Variants in ABCA7 observed in about 807,000 individuals in gnomAD.
ABCA7 encodes ATP binding cassette subfamily A member 7, also known as phospholipid-transporting ATPase ABCA7.
In ABCA7, 261 loss-of-function variants were observed where a neutral mutation model predicts 227.6. The observed-to-expected ratio is 1.15, with a 90% CI of 1.04 to 1.27. ABCA7 has a LOEUF of 1.27. Ranked by LOEUF, ABCA7 falls within the 50% of genes most tolerant of loss-of-function variation. The pLI, the probability that ABCA7 is intolerant of heterozygous loss-of-function variation, is 0.00. For missense variants in ABCA7, 3,331 were observed against 2,924.5 expected (o/e 1.14, Z -3.21); for synonymous variants, 1,488 against 1,279.7 (o/e 1.16, Z -3.47).
chr19:1,047,780 C>CT (rs2040861231), intron 16 of ABCA7, 126 bp downstream of exon 16: 2 of 1,089,696 alleles, frequency 1.8e-6, no homozygotes, highest in Non-Finnish European at 2.5e-6. Flanking sequence ...GAAGGCGGGG[C>CT]TTCTTGGCAC....
intron 39 of ABCA7, 21 bp from the exon 40 acceptor site, chr19:1,059,002 G>C: frequency 6.2e-7 from 1 of 1,613,852 alleles, no homozygotes; most frequent in Non-Finnish European, 8.5e-7. Context: ...TCACCTTTCT[G>C]AAAGACCTGC....
rs758750382 is a variant in ABCA7, at chr19:1,043,495, G to A, written c.930+22G>A. The A allele has an allele frequency of 2.5e-6, 4 of 1,613,046 alleles. No homozygotes were observed. The South Asian group carries it at 4.4e-5, about 18-fold the overall frequency. On this transcript the variant is annotated intron_variant, in intron 9 of 46. Coordinates refer to ENST00000263094, the MANE Select transcript of ABCA7 (RefSeq NM_019112.4). The stretch of plus-strand genomic sequence containing the variant: ...CCAGGTGGGGGCAGCCTGGATGCTG[G>A]GGTGGGAGGGTGGTGGCCAGAGCCC...
Position 1,051,983 on chromosome 19 carries a change from G to A in ABCA7, c.3004G>A (p.Glu1002Lys), listed in dbSNP as rs776912022. The A allele has an allele frequency of 6.2e-7, 1 of 1,612,212 alleles. No individual in the cohort carries two copies. The highest frequency in any genetic ancestry group is 1.1e-5 in the South Asian group (1 of 91,066). ...ILSTHHLDEA[E>K]LLGDRVAVVA... ...CTCCACCCACCACCTGGATGAGGCA[G>A]AGCTGCTGGGAGACCGTGTGGCCGT... The change falls in exon 22 of 47, where the codon GAG (glutamate) becomes AAG (lysine). Residue 1002 changes from glutamate to lysine, a missense_variant. Physicochemically the swap from Glu to Lys is moderately conservative, Grantham distance 56. Transcript: ENST00000263094.
At chr19:1,057,678 G>A (rs1349971178) in intron 35 of ABCA7, among the ~76,000 whole-genome samples, 1 of 151,934 alleles carries the variant, frequency 6.6e-6, no homozygotes, top group Non-Finnish European at 1.5e-5. Context: ...GCCGAGGCAG[G>A]AGGACTGCTT....
Position 1,042,412 on chromosome 19 carries a change from C to A in ABCA7, c.498+15C>A. ...TGCTGCGCACGGTAGGGTGTCGGGG[C>A]GGGACCGCGCTGACTTCCTGGGACA... On this transcript the variant is annotated intron_variant, in intron 6 of 46. Coordinates refer to ENST00000263094, the MANE Select transcript of ABCA7 (RefSeq NM_019112.4). 1 of 1,610,470 alleles carries A rather than the reference C, an allele frequency of 6.2e-7. No homozygotes were observed. Among genetic ancestry groups the A allele is most frequent in the South Asian group, 1.1e-5 (1 of 90,964 alleles).
chr19:1,041,286 G>A lies in ABCA7; in HGVS notation c.-76G>A. ...GAGGTTCAGAAAGGGGCAGGGAGTT[G>A]CCCGCAGCCGCACCGCACGTCTTCA... On this transcript the variant is annotated 5_prime_UTR_variant, in exon 2 of 47. Coordinates refer to ENST00000263094, the MANE Select transcript of ABCA7 (RefSeq NM_019112.4). 1 of 1,449,644 alleles carries A rather than the reference G, an allele frequency of 6.9e-7. No individual in the cohort carries two copies. The highest frequency in any genetic ancestry group is 1.1e-5 in the South Asian group (1 of 87,786). The allele number at this position is 1,449,644 out of a possible 1,614,324, so 89.8% of individuals were successfully genotyped here.
chr19:1,056,461 C>T lies in ABCA7; in HGVS notation c.4548C>T (p.Pro1516=). ...ACAGCATCACCACACTCAACCACCC[C>T]TTGAACCTCACCAAGGAGCAGCTGT... ...HAHSITTLNH[P]LNLTKEQLSE... Residue 1516 remains proline (P), a synonymous_variant, in exon 33 of 47, where the codon CCC becomes CCT. Coordinates refer to ENST00000263094, the MANE Select transcript of ABCA7 (RefSeq NM_019112.4). This position sits in a 1 kb window ranked among gnomAD's most constrained non-coding sequence, Gnocchi z 4.3. 1 of 1,613,634 alleles carries T rather than the reference C, an allele frequency of 6.2e-7. No individual in the cohort carries two copies. Among genetic ancestry groups the T allele is most frequent in the Non-Finnish European group, 8.5e-7 (1 of 1,180,010 alleles).
chr19:1,065,249 C>T (rs1018864841), intron 46 of ABCA7, 21 bp from the exon 47 acceptor site: 2 of 1,612,258 alleles, frequency 1.2e-6, no homozygotes, highest in African/African-American at 1.3e-5. Flanking sequence ...CTCTTGTCCC[C>T]TCTGGGCTGC....
At position 1,061,888 on chromosome 19, in the gene ABCA7, G is replaced by T; in HGVS notation, c.5570G>T (p.Ser1857Ile). ...GGCGAGGCTGTGCTGGCAGGCCACAGGTGAGGGGTGCCAGGTAGGGTCAGG... is the reference window on the plus strand; with the variant it reads ...GGCGAGGCTGTGCTGGCAGGCCACATGTGAGGGGTGCCAGGTAGGGTCAGG... ...SRGEAVLAGH[S>I]VAREPSAAHL... is the part of the protein sequence containing the mutation. The change falls in exon 41 of 47, where the codon AGC (serine) becomes ATC (isoleucine). Residue 1857 changes from serine to isoleucine, a missense_variant and splice_region_variant. Transcript: ENST00000263094. 6.3e-7 allele frequency: 1 copy of T among 1,584,988 alleles called. No homozygotes were observed. Among genetic ancestry groups the T allele is most frequent in the Non-Finnish European group, 8.6e-7 (1 of 1,168,138 alleles).
rs1408562566 is a variant in ABCA7, at chr19:1,047,240, C to T, written c.1929C>T (p.Ser643=). Residue 643 remains serine (S), a synonymous_variant, in exon 15 of 47, where the codon AGC becomes AGT. Coordinates refer to ENST00000263094, the MANE Select transcript of ABCA7 (RefSeq NM_019112.4). ...AAFAVATVTQ[S]FLLSAFFSRA... ...TCGCGGTGGCCACGGTGACCCAGAGCTTCCTGCTCAGCGCCTTCTTCTCCC... is the reference window on the plus strand; with the variant it reads ...TCGCGGTGGCCACGGTGACCCAGAGTTTCCTGCTCAGCGCCTTCTTCTCCC... 3.1e-6 allele frequency: 5 copies of T among 1,608,462 alleles called. No individual in the cohort carries two copies. The highest frequency in any genetic ancestry group is 3.3e-5 in the Admixed American group (2 of 59,894).
chr19:1,054,994 C>G lies in ABCA7; in HGVS notation c.3951-103C>G. The G allele has an allele frequency of 6.5e-7, 1 of 1,529,168 alleles. No individual in the cohort carries two copies. Among genetic ancestry groups the G allele is most frequent in the Admixed American group, 2.0e-5 (1 of 49,848 alleles). 94.7% of individuals were successfully genotyped at this position (1,529,168 alleles called of 1,614,324 possible). A position where few individuals can be genotyped will look rare whatever the true frequency, so the allele number is the denominator to read the frequency against. On this transcript the variant is annotated intron_variant, in intron 29 of 46. Transcript: ENST00000263094. The surrounding 1 kb of genome is among the most constrained non-coding windows in gnomAD (Gnocchi z 4.8). ...AGCATCCCCTGTGCCCACCTGGGAG[C>G]TGGGAGCCTCTGTGGCTCCAGGAAC...
chr19:1,058,112 C>G, intron 36 of ABCA7, 34 bp from the exon 37 acceptor site: 1 of 1,613,862 alleles, frequency 6.2e-7, no homozygotes, highest in Non-Finnish European at 8.5e-7. Flanking sequence ...TGGACTCAGC[C>G]CCTGACCAAC....
At position 1,042,110 on chromosome 19, in the gene ABCA7, A is replaced by C; in HGVS notation, c.349A>C (p.Ser117Arg). ...TGCCCGCACTGTGCTGGGAGGGGCC[A>C]GTGCCCACAGGACGCTGGCTGGCCT... ...ADARTVLGGA[S>R]AHRTLAGLGK... The change falls in exon 5 of 47, where the codon AGT (serine) becomes CGT (arginine). Residue 117 changes from serine to arginine, a missense_variant. Ser to Arg is a moderately radical substitution (Grantham distance 110). Coordinates refer to ENST00000263094, the MANE Select transcript of ABCA7 (RefSeq NM_019112.4). The C allele has an allele frequency of 1.3e-6, 2 of 1,598,956 alleles. No individual in the cohort carries two copies. The highest frequency in any genetic ancestry group is 1.7e-6 in the Non-Finnish European group (2 of 1,178,992).
At position 1,055,206 on chromosome 19, in the gene ABCA7, C is replaced by T. The variant is rs776084636; in HGVS notation, c.4060C>T (p.Arg1354Cys). The change falls in exon 30 of 47, where the codon CGC (arginine) becomes TGC (cysteine). Residue 1354 changes from arginine to cysteine, a missense_variant. By Grantham distance (180) the Arg-to-Cys change is radical. Transcript: ENST00000263094. ...ACQCSRPGAR[R>C]LLPDCPAAAG... ...CCAGTGTAGCCGGCCCGGTGCCCGG[C>T]GCCTGCTGCCCGACTGCCCGGCTGC... 13 of 1,610,332 alleles carry T rather than the reference C, an allele frequency of 8.1e-6. No individual in the cohort carries two copies. Among genetic ancestry groups the T allele is most frequent in the Admixed American group, 1.7e-5 (1 of 59,740 alleles).
rs757847641 is a variant in ABCA7, at chr19:1,065,038, A to C, written c.6152A>C (p.His2051Pro). ...CCTGGGGCGGAGCTGCGCGAGGCAC[A>C]TGGAGGCCGCCTGCGCTTCCAGCTG... The part of the protein sequence containing the change: ...EFPGAELREA[H>P]GGRLRFQLPP... Residue 2051 changes from histidine to proline, a missense_variant, in exon 46 of 47, where the codon CAT becomes CCT. Physicochemically the swap from His to Pro is moderately conservative, Grantham distance 77 (BLOSUM62 -2). Transcript: ENST00000263094. 2.6e-6 allele frequency: 4 copies of C among 1,557,922 alleles called. No homozygotes were observed. The East Asian group carries it at 9.7e-5, about 38-fold the overall frequency.
chr19:1,043,363 C>T lies in ABCA7; in HGVS notation c.820C>T (p.Leu274=), dbSNP rs1257650560. Residue 274 remains leucine (L), a synonymous_variant, in exon 9 of 47, where the codon CTG becomes TTG. Coordinates refer to ENST00000263094, the MANE Select transcript of ABCA7 (RefSeq NM_019112.4). ...SPACSELIGA[L]DSHPLSRLLW... ...CGCCTGCTCGGAGCTGATTGGAGCCCTGGACAGCCACCCGCTGTCCCGCCT... is the reference window on the plus strand; with the variant it reads ...CGCCTGCTCGGAGCTGATTGGAGCCTTGGACAGCCACCCGCTGTCCCGCCT... The T allele has an allele frequency of 6.2e-7, 1 of 1,613,074 alleles. No homozygotes were observed. Among genetic ancestry groups the T allele is most frequent in the Non-Finnish European group, 8.5e-7 (1 of 1,180,014 alleles).
intron 3 of ABCA7, 74 bp downstream of exon 3, chr19:1,041,677 C>T: frequency 6.3e-7 from 1 of 1,577,722 alleles, no homozygotes; most frequent in East Asian, 2.2e-5. Context: ...ACAGGAATCC[C>T]CCGTGCATGT....
intron 18 of ABCA7, among the ~76,000 whole-genome samples, chr19:1,050,529 T>C (rs535446912): frequency 3.3e-5 from 5 of 151,998 alleles, no homozygotes; most frequent in South Asian, 2.1e-4. Flanking sequence ...CCCAGCACTT[T>C]GGGGGGCCGA....
chr19:1,043,105 G>T lies in ABCA7; in HGVS notation c.644G>T (p.Gly215Val), dbSNP rs753585845. 1 of 1,612,438 alleles carries T rather than the reference G, an allele frequency of 6.2e-7. No homozygotes were observed. The highest frequency in any genetic ancestry group is 8.5e-7 in the Non-Finnish European group (1 of 1,179,524). The change falls in exon 8 of 47, where the codon GGC becomes GTC. Residue 215 changes from glycine (G) to valine (V), a missense_variant. By Grantham distance (109) the Gly-to-Val change is moderately radical. Transcript: ENST00000263094. The stretch of plus-strand genomic sequence containing the variant: ...CTGCAGAGACCCCGAGGGACCAGCG[G>T]CCCCCTGGAGTTGCTGTCAGAGGCC... ...ALLQRPRGTS[G>V]PLELLSEALC...
Sources: gnomAD v4.1 joint callset for allele counts (sites outside exome capture counted in the v4.1 genomes callset) on GRCh38, gnomAD v4.1.1 for gene constraint, Gnocchi (gnomAD v3.1) non-coding constraint, MANE v1.5 for transcripts, NCBI Gene and HGNC (gene_info 2026-07-23, HGNC 2026-07-21) for gene names.